The following ULK4 variants were observed in gnomAD, a reference collection of about 807,000 sequenced individuals.
ULK4 encodes the protein unc-51 like kinase 4, also known as inactive serine/threonine-protein kinase ULK4.
Under a neutral mutation model 160.6 loss-of-function variants are expected in ULK4, and 133 were observed. The observed-to-expected ratio is 0.83, with a 90% CI of 0.72 to 0.96. The LOEUF is 0.96. ULK4 is among the 40% of genes least tolerant of loss of function. The pLI, the probability that ULK4 is intolerant of heterozygous loss-of-function variation, is 0.00. For missense variants in ULK4, 1,580 were observed against 1,499.5 expected, an observed-to-expected ratio of 1.05 and a Z score of -0.89; for synonymous variants, 534 against 539.8, an observed-to-expected ratio of 0.99 and a Z score of 0.15.
chr3:41,641,220 G>A (rs897981440), intron 30 of ULK4, among the ~76,000 whole-genome samples: 1 of 152,154 alleles, frequency 6.6e-6, no homozygotes, highest in African/African-American at 2.4e-5. Context: ...TGGTGCAGCA[G>A]TGGAAGATGG....
At chr3:41,720,522 T>TAC (rs1309679709) in intron 22 of ULK4, among the ~76,000 whole-genome samples, 2 of 151,920 alleles carry the variant, frequency 1.3e-5, no homozygotes, top group East Asian at 1.9e-4. Flanking sequence ...ATTATATATG[T>TAC]ACACACACAC....
chr3:41,295,536 C>T (rs2079652087), intron 35 of ULK4, among the ~76,000 whole-genome samples: 1 of 131,094 alleles, frequency 7.6e-6, no homozygotes, highest in African/African-American at 2.8e-5. Flanking sequence ...GCAAAAGACA[C>T]ATCTGATAGA....
intron 32 of ULK4, among the ~76,000 whole-genome samples, chr3:41,504,708 A>G (rs147511972): frequency 2.9e-4 from 44 of 152,344 alleles, no homozygotes; most frequent in African/African-American, 1.1e-3. Context: ...ATTTTGTACT[A>G]TATCTGAACA....
At chr3:41,423,407 T>C (rs1443309529) in intron 34 of ULK4, among the ~76,000 whole-genome samples, 1 of 151,998 alleles carries the variant, frequency 6.6e-6, no homozygotes, top group African/African-American at 2.4e-5. Context: ...TAACCCTCAT[T>C]TAGTGGTCAA....
At chr3:41,470,044 A>AAAAAAAAC (rs1415943037) in intron 32 of ULK4, among the ~76,000 whole-genome samples, 7 of 116,686 alleles carry the variant, frequency 6.0e-5, no homozygotes, top group Admixed American at 4.2e-4. Flanking sequence ...AAAAAAAAAA[A>AAAAAAAAC]AACAAAGTAT....
At chr3:41,819,080 C>T (rs888281064) in intron 19 of ULK4, among the ~76,000 whole-genome samples, 1 of 152,246 alleles carries the variant, frequency 6.6e-6, no homozygotes, top group Non-Finnish European at 1.5e-5. Context: ...ACAGAAAATT[C>T]GCTGCATACA....
rs144484357 is a variant in ULK4, at chr3:41,383,105, T to TTTTC, written c.3678+14973_3678+14974insGAAA. Among the ~76,000 whole-genome samples the TTTTC allele has an allele frequency of 9.6e-3, 994 of 103,418 alleles. 3 individuals are homozygous for TTTTC. Among genetic ancestry groups the TTTTC allele is most frequent in the African/African-American group, 0.021 (617 of 29,852 alleles). 67.8% of individuals were successfully genotyped at this position (103,418 alleles called of 152,430 possible). On this transcript the variant is annotated intron_variant, in intron 35 of 36. Transcript: ENST00000301831. ...TTTCTTTTTCTTTTTTTTTTTCTTG[T>TTTTC]TTTTTTTTCTGACACAGAGTTTCAC...
chr3:41,256,139 T>G (rs2078831091), intron 35 of ULK4, among the ~76,000 whole-genome samples: 1 of 152,188 alleles, frequency 6.6e-6, no homozygotes, highest in Non-Finnish European at 1.5e-5. Flanking sequence ...ATAGGTCTAA[T>G]GAAATTCCTA....
chr3:41,594,513 G>A (rs1011298855), intron 31 of ULK4, among the ~76,000 whole-genome samples: 2 of 152,062 alleles, frequency 1.3e-5, no homozygotes, highest in African/African-American at 4.8e-5. Context: ...AGTCCAGCCT[G>A]GATGACAGAA....
chr3:41,862,772 TCTCTCTCTCTCTCCGCTCCCCCCCCC>T (rs1223392836), intron 17 of ULK4, among the ~76,000 whole-genome samples: 2 of 133,972 alleles, frequency 1.5e-5, no homozygotes, highest in East Asian at 4.0e-4. Flanking sequence ...TCAGTCTCTC[TCTCTCTCTCTCTCCGCTCCCCCCCCC>T]CTTTCTCTCT....
chr3:41,704,848 G>A (rs1005117105), intron 27 of ULK4, among the ~76,000 whole-genome samples: 1 of 152,072 alleles, frequency 6.6e-6, no homozygotes, highest in Non-Finnish European at 1.5e-5. Flanking sequence ...TGTGGACCAG[G>A]AAGGAAAGAG....
intron 34 of ULK4, among the ~76,000 whole-genome samples, chr3:41,451,630 T>C (rs2083427523): frequency 6.6e-6 from 1 of 152,078 alleles, no homozygotes; most frequent in South Asian, 2.1e-4. Context: ...CCACAGCTCC[T>C]GGCAACCTCT....
chr3:41,579,813 A>T (rs2030125252), intron 31 of ULK4, among the ~76,000 whole-genome samples: 1 of 152,104 alleles, frequency 6.6e-6, no homozygotes, highest in South Asian at 2.1e-4. Flanking sequence ...TTTTTTGCTA[A>T]GAGTGAGTCA....
At chr3:41,792,752 G>A (rs981097575) in intron 20 of ULK4, among the ~76,000 whole-genome samples, 4 of 152,224 alleles carry the variant, frequency 2.6e-5, no homozygotes, top group African/African-American at 7.2e-5. Flanking sequence ...TCACTTGAAA[G>A]CTTCTGAGCA....
At position 41,835,894 on chromosome 3, in the gene ULK4, A is replaced by C; in HGVS notation, c.1734T>G (p.Leu578=). 6.2e-7 allele frequency: 1 copy of C among 1,613,340 alleles called. No homozygotes were observed. Among genetic ancestry groups the C allele is most frequent in the Non-Finnish European group, 8.5e-7 (1 of 1,179,544 alleles). Residue 578 remains leucine, a synonymous_variant, in exon 18 of 37, where the codon CTT becomes CTG. Transcript: ENST00000301831. The part of the protein sequence containing the change: ...SKLKQCLLPT[L]GELIYLVATQ... Reference sequence around the variant, plus strand: ...TGGCTACAAGATAGATCAGCTCCCCAAGGGTTGGTAAAAGGCACTGTTTTA... The same window carrying C: ...TGGCTACAAGATAGATCAGCTCCCCCAGGGTTGGTAAAAGGCACTGTTTTA...
At chr3:41,365,543 T>C (rs998079175) in intron 35 of ULK4, among the ~76,000 whole-genome samples, 1 of 152,252 alleles carries the variant, frequency 6.6e-6, no homozygotes, top group African/African-American at 2.4e-5. Context: ...TCCAGGCACA[T>C]GCTAAGCACT....
At chr3:41,341,943 G>C (rs1014002217) in intron 35 of ULK4, among the ~76,000 whole-genome samples, 50 of 152,164 alleles carry the variant, frequency 3.3e-4, no homozygotes, top group African/African-American at 1.2e-3. Flanking sequence ...GGAGCTTCCT[G>C]AACTAATTAT....
intron 34 of ULK4, among the ~76,000 whole-genome samples, chr3:41,405,429 A>C (rs929611436): frequency 1.3e-5 from 2 of 152,230 alleles, no homozygotes; most frequent in Non-Finnish European, 2.9e-5. Context: ...ATAGTGCTGC[A>C]GTGAACATAC....
intron 27 of ULK4, among the ~76,000 whole-genome samples, chr3:41,686,482 ATGTG>A (rs147288763): frequency 0.023 from 3,490 of 151,890 alleles, 118 homozygotes; most frequent in African/African-American, 0.074. Flanking sequence ...TGGGTCTTTT[ATGTG>A]TGTGTGTGTG....
Sources: allele counts gnomAD v4.1 joint callset (sites outside exome capture counted in the v4.1 genomes callset), GRCh38; gene constraint gnomAD v4.1.1; transcripts MANE v1.5; gene names NCBI Gene and HGNC (gene_info 2026-07-23, HGNC 2026-07-21).